Variants in KIF26B observed in about 807,000 individuals in gnomAD.
The protein encoded by KIF26B is kinesin family member 26B.
In KIF26B, 63 loss-of-function variants were observed where a neutral mutation model predicts 151.2. The ratio of observed to expected loss-of-function variants is 0.42; its 90% CI spans 0.34 to 0.51. The LOEUF (loss-of-function observed/expected upper bound fraction) is 0.51. KIF26B is among the 20% of genes least tolerant of loss of function. The pLI is 0.07. For synonymous variants in KIF26B, 1,357 were observed against 1,262.1 expected (o/e 1.08, Z -1.59); for missense variants, 2,813 against 2,913.6 (o/e 0.97, Z 0.79).
In KIF26B at chr1:245,499,506, C is replaced by T. The variant is rs77944108; in HGVS notation, c.1167-41261C>T. Among the ~76,000 whole-genome samples, 379 of 152,246 alleles carry T rather than the reference C, an allele frequency of 2.5e-3. 4 individuals carry two copies. The East Asian group carries it at 0.05, about 20-fold the overall frequency. ...AGATTATTATCTGATTTTATTATTC[C>T]GGGACACGTAAACTTGGCTGAGGAC... is the stretch of plus-strand genomic sequence containing the variant. On this transcript the variant is annotated intron_variant, in intron 4 of 14. Coordinates refer to ENST00000407071, the MANE Select transcript of KIF26B (RefSeq NM_018012.4).
chr1:245,666,105 A>G (rs2044211414), intron 10 of KIF26B, among the ~76,000 whole-genome samples: 1 of 148,472 alleles, frequency 6.7e-6, no homozygotes, highest in South Asian at 2.1e-4. Flanking sequence ...GGTTTAAGCA[A>G]TTCTCCTCCC....
At chr1:245,612,126 G>GAC in intron 9 of KIF26B, 150 bp downstream of exon 9, 1 of 766,914 alleles carries the variant, frequency 1.3e-6, no homozygotes, top group Non-Finnish European at 2.1e-6. Flanking sequence ...GAGAGAGAGA[G>GAC]AGAGACAGGG....
At chr1:245,201,074 G>A (rs916438889) in intron 2 of KIF26B, among the ~76,000 whole-genome samples, 7 of 152,148 alleles carry the variant, frequency 4.6e-5, no homozygotes, top group African/African-American at 1.2e-4. Flanking sequence ...AGCTGAAGAC[G>A]ACAGCAGCTA....
rs189622465 is a variant in KIF26B at position 245,535,841 on chromosome 1, T to C, written c.1167-4926T>C. Among the ~76,000 whole-genome samples, 7 of 152,346 alleles carry C rather than the reference T, an allele frequency of 4.6e-5. No homozygotes were observed. In the East Asian group the frequency reaches 1.3e-3, roughly 29 times the overall value. ...TTTATTATATTCTTTCAAAGGATCATTGATTAGTGTACTAAATGCTTTACA... is the reference window on the plus strand; with the variant it reads ...TTTATTATATTCTTTCAAAGGATCACTGATTAGTGTACTAAATGCTTTACA... On this transcript the variant is annotated intron_variant, in intron 4 of 14. Coordinates refer to ENST00000407071, the MANE Select transcript of KIF26B (RefSeq NM_018012.4).
intron 11 of KIF26B, 145 bp from the exon 12 acceptor site, chr1:245,685,260 C>G (rs1392881966): frequency 3.1e-6 from 2 of 648,692 alleles, no homozygotes; most frequent in Non-Finnish European, 5.3e-6. Context: ...CATGGCACCC[C>G]GAGTGGCCCA....
chr1:245,429,276 A>G (rs1226696220), intron 4 of KIF26B, among the ~76,000 whole-genome samples: 1 of 152,198 alleles, frequency 6.6e-6, no homozygotes, highest in African/African-American at 2.4e-5. Flanking sequence ...TCCTCAATGA[A>G]TTCTCAACGT....
chr1:245,449,596 G>A (rs891109685), intron 4 of KIF26B, among the ~76,000 whole-genome samples: 5 of 152,150 alleles, frequency 3.3e-5, no homozygotes, highest in Non-Finnish European at 7.3e-5. Context: ...TCAGTTAAGT[G>A]AATATGAGCT....
chr1:245,413,436 A>T (rs1318150115), intron 3 of KIF26B, among the ~76,000 whole-genome samples: 1 of 152,104 alleles, frequency 6.6e-6, no homozygotes, highest in African/African-American at 2.4e-5. Flanking sequence ...GCTGAGGTGG[A>T]TGGATCACAA....
intron 5 of KIF26B, among the ~76,000 whole-genome samples, chr1:245,585,919 T>A (rs968882992): frequency 1.3e-5 from 2 of 152,088 alleles, no homozygotes; most frequent in African/African-American, 4.8e-5. Context: ...GTCGACACAT[T>A]TAAAAATGCT....
intron 4 of KIF26B, among the ~76,000 whole-genome samples, chr1:245,503,048 C>T (rs896954049): frequency 3.2e-4 from 48 of 151,990 alleles, no homozygotes; most frequent in African/African-American, 8.7e-4. Context: ...TTAGTAGAGA[C>T]GGGGTTTCTC....
intron 5 of KIF26B, among the ~76,000 whole-genome samples, chr1:245,578,869 C>G (rs1204355093): frequency 6.6e-6 from 1 of 152,184 alleles, no homozygotes; most frequent in Non-Finnish European, 1.5e-5. Flanking sequence ...GGGTCTTTGT[C>G]TTAGTGATGC....
At chr1:245,665,974 C>T (rs978618266) in intron 10 of KIF26B, among the ~76,000 whole-genome samples, 1 of 150,572 alleles carries the variant, frequency 6.6e-6, no homozygotes, top group South Asian at 2.1e-4. Flanking sequence ...GCATGAGCCA[C>T]TGCTCCTGGC....
At chr1:245,406,389 C>T (rs546315593) in intron 3 of KIF26B, among the ~76,000 whole-genome samples, 4 of 152,324 alleles carry the variant, frequency 2.6e-5, no homozygotes, top group Non-Finnish European at 4.4e-5. Context: ...GCATCTCCTT[C>T]GTGGCTGTGG....
chr1:245,355,610 AAAGAAG>A (rs896551223), intron 2 of KIF26B, among the ~76,000 whole-genome samples: 7 of 125,930 alleles, frequency 5.6e-5, no homozygotes, highest in African/African-American at 3.3e-4. Flanking sequence ...AAAAAAAAAA[AAAGAAG>A]AAGAAGAAGA....
At chr1:245,475,787 G>A (rs545281887) in intron 4 of KIF26B, among the ~76,000 whole-genome samples, 2 of 151,988 alleles carry the variant, frequency 1.3e-5, no homozygotes, top group East Asian at 3.9e-4. Context: ...GGAGAAGCTG[G>A]AACAGTCTAT....
chr1:245,213,658 A>G (rs1319352244), intron 2 of KIF26B, among the ~76,000 whole-genome samples: 1 of 152,200 alleles, frequency 6.6e-6, no homozygotes, highest in Non-Finnish European at 1.5e-5. Flanking sequence ...TCACCCTGAG[A>G]GCGCTGGGAG....
At chr1:245,394,817 A>G (rs907027774) in intron 3 of KIF26B, among the ~76,000 whole-genome samples, 5 of 151,184 alleles carry the variant, frequency 3.3e-5, no homozygotes, top group African/African-American at 1.2e-4. Flanking sequence ...CAGCCTCCCG[A>G]GTAGCTGATA....
At chr1:245,392,596 T>C (rs905291235) in intron 3 of KIF26B, among the ~76,000 whole-genome samples, 2 of 152,168 alleles carry the variant, frequency 1.3e-5, no homozygotes, top group African/African-American at 4.8e-5. Context: ...AGTCTGAATC[T>C]GGATCATTTA....
chr1:245,662,837 C>T (rs1325492369), intron 10 of KIF26B, among the ~76,000 whole-genome samples: 2 of 92,558 alleles, frequency 2.2e-5, no homozygotes, highest in Non-Finnish European at 5.0e-5. Flanking sequence ...ACTTCCAATC[C>T]CTTCTTGGCT....
Sources: allele counts gnomAD v4.1 joint callset (sites outside exome capture counted in the v4.1 genomes callset), GRCh38; gene constraint gnomAD v4.1.1; transcripts MANE v1.5; gene names NCBI Gene and HGNC (gene_info 2026-07-23, HGNC 2026-07-21).